Variants in CLSTN2 observed in about 807,000 individuals in gnomAD.
CLSTN2 encodes the protein calsyntenin-2.
In CLSTN2, 48 loss-of-function variants were observed where a neutral mutation model predicts 101.2. That is an observed-to-expected ratio of 0.47 (90% CI 0.38 to 0.60). CLSTN2 has a LOEUF of 0.60. Ranked by LOEUF, CLSTN2 falls within the 20% of genes least tolerant of loss-of-function variation. The pLI, the probability that CLSTN2 is intolerant of heterozygous loss-of-function variation, is 0.00. For missense variants in CLSTN2, 1,160 were observed against 1,238.2 expected (o/e 0.94, Z 0.95); for synonymous variants, 481 against 463.6 (o/e 1.04, Z -0.48).
At chr3:139,939,911 C>T (rs960646164) in intron 1 of CLSTN2, among the ~76,000 whole-genome samples, 6 of 152,142 alleles carry the variant, frequency 3.9e-5, no homozygotes, top group South Asian at 2.1e-4. Flanking sequence ...GTTCTTGGAC[C>T]GGAATGTGCC....
chr3:140,210,110 T>A (rs141921928), intron 2 of CLSTN2, among the ~76,000 whole-genome samples: 98 of 152,332 alleles, frequency 6.4e-4, no homozygotes, highest in African/African-American at 2.3e-3. Flanking sequence ...TTAAGAGACT[T>A]CTGTGCATCA....
intron 1 of CLSTN2, among the ~76,000 whole-genome samples, chr3:140,135,152 ATATATATAT>A: frequency 1.4e-5 from 2 of 138,674 alleles, no homozygotes; most frequent in South Asian, 4.6e-4. Context: ...ATATATATAT[ATATATATAT>A]AAAATATGCT....
chr3:140,085,163 G>C (rs1222126927), intron 1 of CLSTN2, among the ~76,000 whole-genome samples: 1 of 152,152 alleles, frequency 6.6e-6, no homozygotes, highest in East Asian at 1.9e-4. Flanking sequence ...TATTCATCCA[G>C]GGTCTCTGTG....
intron 1 of CLSTN2, among the ~76,000 whole-genome samples, chr3:139,956,044 A>G (rs1350634676): frequency 6.6e-6 from 1 of 152,214 alleles, no homozygotes; most frequent in East Asian, 1.9e-4. Context: ...GAGATTCCTC[A>G]TGCATCAGAC....
intron 1 of CLSTN2, among the ~76,000 whole-genome samples, chr3:140,060,442 C>T (rs904664191): frequency 4.6e-5 from 7 of 152,190 alleles, no homozygotes; most frequent in Admixed American, 2.6e-4. Flanking sequence ...TGGAAATGAA[C>T]TCCACAAGGG....
intron 2 of CLSTN2, among the ~76,000 whole-genome samples, chr3:140,253,975 T>A (rs986710936): frequency 6.6e-6 from 1 of 151,966 alleles, no homozygotes; most frequent in Non-Finnish European, 1.5e-5. Context: ...TTCACAGGGG[T>A]CAGGAAGTCA....
At chr3:140,513,710 G>C (rs1423990826) in intron 8 of CLSTN2, among the ~76,000 whole-genome samples, 1 of 151,248 alleles carries the variant, frequency 6.6e-6, no homozygotes, top group Non-Finnish European at 1.5e-5. Context: ...AGTAGGAATG[G>C]TACCAGCTCT....
At chr3:140,048,163 C>G (rs2007918105) in intron 1 of CLSTN2, among the ~76,000 whole-genome samples, 1 of 152,126 alleles carries the variant, frequency 6.6e-6, no homozygotes, top group Non-Finnish European at 1.5e-5. Context: ...TAAATGGAAG[C>G]TGATATTTCT....
At chr3:140,168,802 C>T (rs971386379) in intron 1 of CLSTN2, among the ~76,000 whole-genome samples, 1 of 152,140 alleles carries the variant, frequency 6.6e-6, no homozygotes, top group African/African-American at 2.4e-5. Flanking sequence ...AATGAACTGA[C>T]CATATGTATG....
chr3:140,229,947 AT>A (rs1222416286), intron 2 of CLSTN2, among the ~76,000 whole-genome samples: 2 of 151,914 alleles, frequency 1.3e-5, no homozygotes, highest in African/African-American at 4.8e-5. Flanking sequence ...AGCCCAGTTT[AT>A]TTTTTTGGTT....
chr3:140,415,461 G>A (rs2088418450), intron 4 of CLSTN2, among the ~76,000 whole-genome samples: 1 of 93,638 alleles, frequency 1.1e-5, no homozygotes, highest in African/African-American at 3.9e-5. Flanking sequence ...CAAAATATAT[G>A]AGGAACTCAT....
chr3:139,982,449 A>C (rs983815910), intron 1 of CLSTN2, among the ~76,000 whole-genome samples: 4 of 152,106 alleles, frequency 2.6e-5, no homozygotes, highest in African/African-American at 9.7e-5. Flanking sequence ...GTGGGGGCTT[A>C]ATTTCTGCTG....
At chr3:140,122,065 A>G (rs1286904703) in intron 1 of CLSTN2, among the ~76,000 whole-genome samples, 1 of 152,182 alleles carries the variant, frequency 6.6e-6, no homozygotes, top group African/African-American at 2.4e-5. Context: ...TTTTGATCCA[A>G]TCAGGAGCAG....
At chr3:140,528,664 AAG>A (rs1275733582) in intron 8 of CLSTN2, among the ~76,000 whole-genome samples, 1 of 151,256 alleles carries the variant, frequency 6.6e-6, no homozygotes, top group African/African-American at 2.5e-5. Flanking sequence ...ATAGAGGAAT[AAG>A]AGGTTTCTGC....
intron 2 of CLSTN2, among the ~76,000 whole-genome samples, chr3:140,222,704 A>G (rs948949076): frequency 6.6e-6 from 1 of 152,170 alleles, no homozygotes; most frequent in Admixed American, 6.5e-5. Flanking sequence ...TAATTTAATT[A>G]TACATCTTAA....
At chr3:140,212,072 G>A (rs191082453) in intron 2 of CLSTN2, among the ~76,000 whole-genome samples, 44 of 152,228 alleles carry the variant, frequency 2.9e-4, no homozygotes, top group Non-Finnish European at 5.9e-4. Flanking sequence ...ATCTCATGAG[G>A]GGCCAAAATT....
At chr3:139,964,024 A>C (rs925124809) in intron 1 of CLSTN2, among the ~76,000 whole-genome samples, 6 of 152,188 alleles carry the variant, frequency 3.9e-5, no homozygotes, top group Non-Finnish European at 7.3e-5. Flanking sequence ...GATGTTCCCC[A>C]GCTGCCTTGG....
intron 7 of CLSTN2, chr3:140,461,073 T>G (rs1933551375): frequency 6.6e-6 from 1 of 152,212 alleles, no homozygotes; most frequent in Admixed American, 6.5e-5. Flanking sequence ...TTATTTGATG[T>G]TGTTATTATT....
chr3:140,393,248 T>C (rs1231100409), intron 2 of CLSTN2, among the ~76,000 whole-genome samples: 1 of 152,150 alleles, frequency 6.6e-6, no homozygotes, highest in Non-Finnish European at 1.5e-5. Context: ...CTCAGCCCCA[T>C]GTTTGGACAC....
Sources: allele counts gnomAD v4.1 joint callset (sites outside exome capture counted in the v4.1 genomes callset), GRCh38; gene constraint gnomAD v4.1.1; transcripts MANE v1.5; gene names NCBI Gene and HGNC (gene_info 2026-07-23, HGNC 2026-07-21).